Variants in TANGO6 observed in about 807,000 individuals in gnomAD.
TANGO6 encodes transport and golgi organization 6 homolog.
In TANGO6, 90 loss-of-function variants were observed where a neutral mutation model predicts 114.2. The observed-to-expected ratio is 0.79, with a 90% CI of 0.66 to 0.94. The LOEUF is 0.94. Among genes scored for constraint, TANGO6 ranks in the 40% least tolerant of loss-of-function variants. TANGO6 has a pLI of 0.00. For missense variants in TANGO6, 1,274 were observed against 1,315.3 expected (o/e 0.97, Z 0.49); for synonymous variants, 477 against 509.8 (o/e 0.94, Z 0.87).
chr16:69,043,103 G>A (rs1959797739), intron 17 of TANGO6, among the ~76,000 whole-genome samples: 1 of 152,114 alleles, frequency 6.6e-6, no homozygotes, highest in African/African-American at 2.4e-5. Context: ...GCATCTGCCT[G>A]TAATCCCAGC....
At chr16:68,953,904 C>G (rs1279066398) in intron 14 of TANGO6, among the ~76,000 whole-genome samples, 1 of 151,946 alleles carries the variant, frequency 6.6e-6, no homozygotes, top group Non-Finnish European at 1.5e-5. Flanking sequence ...AGGCAGTAAC[C>G]CATCAGTGAG....
chr16:68,878,949 A>C (rs1397009424), intron 6 of TANGO6, among the ~76,000 whole-genome samples: 1 of 151,926 alleles, frequency 6.6e-6, no homozygotes, highest in African/African-American at 2.4e-5. Context: ...GGTGGCAAGC[A>C]CCTGTAGCCC....
At chr16:68,851,616 T>G (rs1443003762) in intron 1 of TANGO6, among the ~76,000 whole-genome samples, 1 of 152,244 alleles carries the variant, frequency 6.6e-6, no homozygotes, top group Non-Finnish European at 1.5e-5. Flanking sequence ...TAAGAAGTAC[T>G]GCAATGAATA....
At chr16:68,970,851 C>T (rs901294210) in intron 14 of TANGO6, among the ~76,000 whole-genome samples, 1 of 151,946 alleles carries the variant, frequency 6.6e-6, no homozygotes, top group African/African-American at 2.4e-5. Flanking sequence ...GAGTTGAGAA[C>T]TTCTGATTTT....
At chr16:69,020,931 TGTGTGTGTGTG>T (rs1229113579) in intron 15 of TANGO6, among the ~76,000 whole-genome samples, 118 of 127,664 alleles carry the variant, frequency 9.2e-4, no homozygotes, top group African/African-American at 2.3e-3. Flanking sequence ...TGTGTGTGTG[TGTGTGTGTGTG>T]GTGTGTGTGT....
At chr16:68,960,094 GA>G (rs1460768352) in intron 14 of TANGO6, among the ~76,000 whole-genome samples, 2 of 152,164 alleles carry the variant, frequency 1.3e-5, no homozygotes, top group Non-Finnish European at 2.9e-5. Context: ...ATAGCATAAA[GA>G]GAATATTTAT....
At chr16:68,912,950 A>C (rs1340707757) in intron 11 of TANGO6, among the ~76,000 whole-genome samples, 1 of 151,080 alleles carries the variant, frequency 6.6e-6, no homozygotes, top group Non-Finnish European at 1.5e-5. Flanking sequence ...TGTGGTGGCA[A>C]GCGCCTGTAA....
intron 15 of TANGO6, among the ~76,000 whole-genome samples, chr16:68,977,973 A>C (rs1320419871): frequency 6.6e-6 from 1 of 152,164 alleles, no homozygotes; most frequent in Non-Finnish European, 1.5e-5. Context: ...GGTGTGAGCC[A>C]CTGCACCCAG....
At chr16:69,054,666 G>A (rs1341593823) in intron 17 of TANGO6, among the ~76,000 whole-genome samples, 3 of 152,052 alleles carry the variant, frequency 2.0e-5, no homozygotes, top group African/African-American at 4.8e-5. Context: ...GGGCGTGGTG[G>A]CTCAAGCCTG....
Position 68,867,065 on chromosome 16 carries a change from C to T in TANGO6, c.853-14C>T. ...CAGTGACATTCAGAATTCACACCTTCTTCTTTTTCTCAGTCCTGCACAGAT... is the reference window on the plus strand; with the variant it reads ...CAGTGACATTCAGAATTCACACCTTTTTCTTTTTCTCAGTCCTGCACAGAT... On this transcript the variant is annotated splice_polypyrimidine_tract_variant and intron_variant, in intron 3 of 17. Coordinates refer to ENST00000261778, the MANE Select transcript of TANGO6 (RefSeq NM_024562.2). 6 of 1,449,392 alleles carry T rather than the reference C, an allele frequency of 4.1e-6. No homozygotes were observed. The highest frequency in any genetic ancestry group is 5.5e-6 in the Non-Finnish European group (6 of 1,082,668). The allele number at this position is 1,449,392 out of a possible 1,614,324, so 89.8% of individuals were successfully genotyped here. A position where few individuals can be genotyped will look rare whatever the true frequency, so the allele number is the denominator to read the frequency against.
At chr16:69,044,853 AAAAG>A (rs1463744289) in intron 17 of TANGO6, among the ~76,000 whole-genome samples, 3 of 152,116 alleles carry the variant, frequency 2.0e-5, no homozygotes, top group African/African-American at 7.2e-5. Flanking sequence ...CCTTATCTGA[AAAAG>A]AAAAAAAATT....
intron 15 of TANGO6, among the ~76,000 whole-genome samples, chr16:68,995,647 T>C (rs150388336): frequency 6.6e-6 from 1 of 152,242 alleles, no homozygotes; most frequent in African/African-American, 2.4e-5. Context: ...TAACCAAGAC[T>C]ACTCAGTGCC....
intron 4 of TANGO6, among the ~76,000 whole-genome samples, chr16:68,870,824 A>AT (rs1962255126): frequency 6.7e-6 from 1 of 150,128 alleles, no homozygotes; most frequent in African/African-American, 2.5e-5. Flanking sequence ...TTGAGACGGA[A>AT]TTTCGCTCTT....
chr16:68,941,486 G>A (rs573192186), intron 14 of TANGO6, among the ~76,000 whole-genome samples: 1 of 152,196 alleles, frequency 6.6e-6, no homozygotes, highest in African/African-American at 2.4e-5. Context: ...GCTCATACCT[G>A]TAATCCCAGC....
intron 14 of TANGO6, among the ~76,000 whole-genome samples, chr16:68,943,521 G>A (rs973421560): frequency 6.6e-6 from 1 of 151,872 alleles, no homozygotes; most frequent in Non-Finnish European, 1.5e-5. Context: ...CTGCCACCAC[G>A]CACTGGCTAA....
chr16:68,974,169 G>T lies in TANGO6; in HGVS notation c.2842+1G>T, dbSNP rs1176715749. Reference sequence around the variant, plus strand: ...CTTATGCGAATCGTCAGGGCATTAGGTGAGTTTTCTTGTTCCATCCACCTG... The same window carrying T: ...CTTATGCGAATCGTCAGGGCATTAGTTGAGTTTTCTTGTTCCATCCACCTG... On this transcript the variant is annotated splice_donor_variant, in intron 15 of 17. Coordinates refer to ENST00000261778, the MANE Select transcript of TANGO6 (RefSeq NM_024562.2). LOFTEE classifies it high-confidence loss of function. 3.1e-6 allele frequency: 5 copies of T among 1,613,862 alleles called. No homozygotes were observed. Among genetic ancestry groups the T allele is most frequent in the African/African-American group, 1.3e-5 (1 of 74,928 alleles).
At chr16:69,066,774 C>G (rs1319039131) in intron 17 of TANGO6, among the ~76,000 whole-genome samples, 1 of 152,074 alleles carries the variant, frequency 6.6e-6, no homozygotes, top group Non-Finnish European at 1.5e-5. Flanking sequence ...GTGCCTTATG[C>G]CTCCCACTCC....
chr16:68,856,301 G>A (rs993158129), intron 1 of TANGO6, among the ~76,000 whole-genome samples: 4 of 152,190 alleles, frequency 2.6e-5, no homozygotes, highest in Non-Finnish European at 5.9e-5. Context: ...TGTCATGAAC[G>A]AGTGTTGAAT....
At chr16:68,942,795 T>C (rs1306779012) in intron 14 of TANGO6, among the ~76,000 whole-genome samples, 1 of 152,188 alleles carries the variant, frequency 6.6e-6, no homozygotes, top group Admixed American at 6.5e-5. Context: ...GAGAAAATGC[T>C]AAATGCAGTG....
Sources: allele counts gnomAD v4.1 joint callset (sites outside exome capture counted in the v4.1 genomes callset), GRCh38; gene constraint gnomAD v4.1.1; transcripts MANE v1.5; gene names NCBI Gene and HGNC (gene_info 2026-07-23, HGNC 2026-07-21).